Variants in MYO18B observed in about 807,000 individuals in gnomAD.
MYO18B encodes unconventional myosin-XVIIIb.
MYO18B carries 204 observed loss-of-function variants against 273.0 expected under a neutral mutation model. The observed-to-expected ratio is 0.75, with a 90% CI of 0.67 to 0.84. The LOEUF (loss-of-function observed/expected upper bound fraction) is 0.84. Among genes scored for constraint, MYO18B ranks in the 40% least tolerant of loss-of-function variants. The probability of loss-of-function intolerance (pLI) is 0.00; values close to 1 mark genes in which losing one functional copy is unlikely to be tolerated. For missense variants in MYO18B, 3,212 were observed against 3,287.6 expected (o/e 0.98, Z 0.56); for synonymous variants, 1,330 against 1,305.7 (o/e 1.02, Z -0.40).
chr22:25,902,839 A>C, intron 30 of MYO18B, 103 bp downstream of exon 30: 1 of 1,310,870 alleles, frequency 7.6e-7, no homozygotes, highest in East Asian at 2.5e-5. Flanking sequence ...AAAACTTCAC[A>C]AGGGTATCCT....
chr22:25,774,198 T>G (rs2086829424), intron 7 of MYO18B, among the ~76,000 whole-genome samples: 1 of 152,180 alleles, frequency 6.6e-6, no homozygotes. Context: ...ATTTTTCTCC[T>G]CCAGAGTGAC....
chr22:25,895,307 C>G, intron 28 of MYO18B, 27 bp downstream of exon 28: 1 of 1,577,118 alleles, frequency 6.3e-7, no homozygotes, highest in South Asian at 1.2e-5. Flanking sequence ...GTCTGGGCCA[C>G]AGAAGTGTTA....
At chr22:25,791,880 G>A (rs73401960) in intron 11 of MYO18B, among the ~76,000 whole-genome samples, 2,746 of 152,310 alleles carry the variant, frequency 0.018, 78 homozygotes, top group African/African-American at 0.055. Flanking sequence ...TTCAGAAGAA[G>A]TAGCCAGGCT....
At chr22:26,016,100 T>C (rs1368949152) in intron 42 of MYO18B, among the ~76,000 whole-genome samples, 1 of 152,226 alleles carries the variant, frequency 6.6e-6, no homozygotes, top group Non-Finnish European at 1.5e-5. Flanking sequence ...CATTTCACCA[T>C]ACTCTGGTGA....
intron 9 of MYO18B, 54 bp from the exon 10 acceptor site, chr22:25,781,680 C>A: frequency 8.5e-7 from 1 of 1,174,696 alleles, no homozygotes; most frequent in Non-Finnish European, 1.1e-6. Context: ...GCACTTCAGG[C>A]ATGTGCAGAT....
intron 1 of MYO18B, among the ~76,000 whole-genome samples, chr22:25,757,030 C>T (rs1007892312): frequency 6.6e-6 from 1 of 151,950 alleles, no homozygotes; most frequent in African/African-American, 2.4e-5. Flanking sequence ...CACTGCTCTC[C>T]GACTTGGGCA....
At chr22:26,018,441 C>T (rs1240727858) in intron 42 of MYO18B, among the ~76,000 whole-genome samples, 2 of 152,152 alleles carry the variant, frequency 1.3e-5, no homozygotes, top group Non-Finnish European at 2.9e-5. Context: ...CTTTGAACTT[C>T]CCTCTCAGCT....
At chr22:25,787,844 A>G (rs2087469007) in intron 11 of MYO18B, among the ~76,000 whole-genome samples, 2 of 152,274 alleles carry the variant, frequency 1.3e-5, no homozygotes, top group South Asian at 4.1e-4. Context: ...CCTTGAAGGC[A>G]AGAGATGAGA....
chr22:25,850,965 C>T (rs1035528736), intron 20 of MYO18B, among the ~76,000 whole-genome samples: 4 of 152,198 alleles, frequency 2.6e-5, no homozygotes, highest in East Asian at 1.9e-4. Context: ...GATGCAGTTG[C>T]GTCCACCCTG....
At chr22:25,874,636 A>G (rs1368872835) in intron 23 of MYO18B, among the ~76,000 whole-genome samples, 1 of 152,210 alleles carries the variant, frequency 6.6e-6, no homozygotes, top group African/African-American at 2.4e-5. Context: ...GAGGTTGTCC[A>G]AGCCCTCCTG....
intron 1 of MYO18B, among the ~76,000 whole-genome samples, chr22:25,748,253 T>C (rs939630944): frequency 3.3e-5 from 5 of 152,126 alleles, no homozygotes; most frequent in Non-Finnish European, 7.4e-5. Flanking sequence ...GGGAGGTAGC[T>C]CTCTGAGAAG....
At chr22:25,815,147 G>C (rs558878318) in intron 12 of MYO18B, among the ~76,000 whole-genome samples, 2 of 152,312 alleles carry the variant, frequency 1.3e-5, no homozygotes, top group African/African-American at 4.8e-5. Context: ...GCTTCCCTTG[G>C]ACCCAGGAAA....
At chr22:25,802,906 A>G (rs995604433) in intron 12 of MYO18B, among the ~76,000 whole-genome samples, 14 of 151,810 alleles carry the variant, frequency 9.2e-5, no homozygotes, top group Non-Finnish European at 1.5e-4. Context: ...CATGAATGCA[A>G]TCATGTAATA....
At chr22:25,915,012 C>T (rs2092237994) in intron 33 of MYO18B, among the ~76,000 whole-genome samples, 1 of 151,320 alleles carries the variant, frequency 6.6e-6, no homozygotes, top group Admixed American at 6.6e-5. Context: ...TGACTCTTGA[C>T]CATGGATTGG....
At chr22:25,833,981 T>C (rs905644187) in intron 16 of MYO18B, among the ~76,000 whole-genome samples, 17 of 152,114 alleles carry the variant, frequency 1.1e-4, no homozygotes, top group Non-Finnish European at 2.5e-4. Flanking sequence ...CAGTGTGTTC[T>C]TCTGGTTGGC....
chr22:25,920,051 C>T (rs571424938), intron 33 of MYO18B, among the ~76,000 whole-genome samples: 27 of 152,280 alleles, frequency 1.8e-4, no homozygotes, highest in African/African-American at 6.3e-4. Flanking sequence ...CCATCATCAG[C>T]AAATGGTGAG....
At chr22:25,857,529 G>A (rs771765753) in intron 21 of MYO18B, among the ~76,000 whole-genome samples, 3 of 152,194 alleles carry the variant, frequency 2.0e-5, no homozygotes, top group Non-Finnish European at 2.9e-5. Context: ...CCCATGGCCA[G>A]GGAGGGAGCT....
At chr22:25,961,950 A>G (rs549382115) in intron 39 of MYO18B, among the ~76,000 whole-genome samples, 2 of 152,314 alleles carry the variant, frequency 1.3e-5, no homozygotes, top group East Asian at 3.9e-4. Context: ...CTCTTGCCGT[A>G]TGATCTCTGC....
chr22:25,750,182 C>G (rs114888135), intron 1 of MYO18B, among the ~76,000 whole-genome samples: 2 of 152,096 alleles, frequency 1.3e-5, no homozygotes, highest in African/African-American at 4.8e-5. Flanking sequence ...GAGCTGCTGC[C>G]GCAACAGGAG....
Sources: gnomAD v4.1 joint callset for allele counts (sites outside exome capture counted in the v4.1 genomes callset) on GRCh38, gnomAD v4.1.1 for gene constraint, MANE v1.5 for transcripts, NCBI Gene and HGNC (gene_info 2026-07-23, HGNC 2026-07-21) for gene names.